The following ADAMTS14 variants were observed in gnomAD, a reference collection of about 807,000 sequenced individuals.
ADAMTS14 encodes ADAM metallopeptidase with thrombospondin type 1 motif 14.
Under a neutral mutation model 128.6 loss-of-function variants are expected in ADAMTS14, and 100 were observed. That is an observed-to-expected ratio of 0.78 (90% CI 0.66 to 0.92). ADAMTS14 has a LOEUF of 0.92. Among genes scored for constraint, ADAMTS14 ranks in the 40% least tolerant of loss-of-function variants. ADAMTS14 has a pLI of 0.00. For missense variants in ADAMTS14, 1,562 were observed against 1,658.6 expected (o/e 0.94, Z 1.01); for synonymous variants, 665 against 653.8 (o/e 1.02, Z -0.26).
At chr10:70,749,393 A>G (rs144362090) in intron 15 of ADAMTS14, among the ~76,000 whole-genome samples, 322 of 152,292 alleles carry the variant, frequency 2.1e-3, no homozygotes, top group African/African-American at 7.5e-3. Flanking sequence ...CTCACCATCA[A>G]TCCGACTCCA....
In ADAMTS14 at chr10:70,674,937, C is replaced by A; in HGVS notation, c.464C>A (p.Thr155Asn). The change falls in exon 2 of 22, where the codon ACT (threonine) becomes AAT (asparagine). Residue 155 changes from threonine (T) to asparagine (N), a missense_variant. Transcript: ENST00000373207. ...CCCTTACGGCAGGAGTGTGTGTACA[C>A]TGGAGGTGTCACTGGAATGCCTGGG... ...RQPLRQECVYTGGVTGMPGAA... is the reference protein window; with the variant it reads ...RQPLRQECVYNGGVTGMPGAA... 1 of 1,613,258 alleles carries A rather than the reference C, an allele frequency of 6.2e-7. No individual in the cohort carries two copies. Among genetic ancestry groups the A allele is most frequent in the Non-Finnish European group, 8.5e-7 (1 of 1,180,040 alleles).
At chr10:70,737,926 A>G (rs996319491) in intron 10 of ADAMTS14, among the ~76,000 whole-genome samples, 2 of 152,182 alleles carry the variant, frequency 1.3e-5, no homozygotes, top group African/African-American at 4.8e-5. Flanking sequence ...TGACGATTGG[A>G]CAACTTTGCG....
At chr10:70,734,764 G>A (rs1841771963) in intron 8 of ADAMTS14, among the ~76,000 whole-genome samples, 1 of 152,210 alleles carries the variant, frequency 6.6e-6, no homozygotes, top group South Asian at 2.1e-4. Context: ...AGGGCGGCTC[G>A]CCCAGGGTCC....
intron 11 of ADAMTS14, among the ~76,000 whole-genome samples, chr10:70,739,227 C>T (rs1841921536): frequency 6.6e-6 from 1 of 152,122 alleles, no homozygotes; most frequent in Non-Finnish European, 1.5e-5. Flanking sequence ...TTCTCAAGCT[C>T]ATGCGCAGAA....
intron 4 of ADAMTS14, among the ~76,000 whole-genome samples, chr10:70,721,701 C>G (rs1841273422): frequency 6.6e-6 from 1 of 151,908 alleles, no homozygotes; most frequent in Admixed American, 6.6e-5. Flanking sequence ...ATATGTTACT[C>G]TTGTACACAC....
Position 70,733,879 on chromosome 10 carries a change from TTCCAGGCTCGGCATGGAGCATGACGG to T in ADAMTS14, c.1209-3_1231del, listed in dbSNP as rs749379487. On this transcript the variant is annotated splice_acceptor_variant and splice_polypyrimidine_tract_variant and coding_sequence_variant and intron_variant, in exon 8 of 22. Coordinates refer to ENST00000373207, the MANE Select transcript of ADAMTS14 (RefSeq NM_080722.4). LOFTEE classifies it high-confidence loss of function. The stretch of plus-strand genomic sequence containing the variant: ...TATCAGGACTCCTCTGTCTTCCCCA[TTCCAGGCTCGGCATGGAGCATGACGG>T]TCAGGGGAATGGCTGTGCAGATGAG... 8 of 1,610,804 alleles carry T rather than the reference TTCCAGGCTCGGCATGGAGCATGACGG, an allele frequency of 5.0e-6. No individual in the cohort carries two copies. Among genetic ancestry groups the T allele is most frequent in the Non-Finnish European group, 6.8e-6 (8 of 1,177,672 alleles).
intron 4 of ADAMTS14, among the ~76,000 whole-genome samples, 155 bp from the exon 5 acceptor site, chr10:70,729,139 C>T (rs1039936548): frequency 3.3e-5 from 5 of 152,118 alleles, no homozygotes; most frequent in African/African-American, 1.2e-4. Flanking sequence ...TTTGCCCCCT[C>T]AGTCTCAGTT....
intron 2 of ADAMTS14, among the ~76,000 whole-genome samples, chr10:70,687,069 C>T (rs1455468811): frequency 6.9e-5 from 9 of 131,342 alleles, no homozygotes; most frequent in Non-Finnish European, 1.6e-4. Flanking sequence ...TGACCCCCCC[C>T]ACCTCCCTCC....
chr10:70,755,038 T>C (rs1372625764), intron 19 of ADAMTS14, among the ~76,000 whole-genome samples: 4 of 152,132 alleles, frequency 2.6e-5, no homozygotes, highest in African/African-American at 9.7e-5. Context: ...CCCAACACTT[T>C]GGGAGGCTGA....
At chr10:70,709,116 C>A (rs947273023) in intron 4 of ADAMTS14, among the ~76,000 whole-genome samples, 1 of 152,180 alleles carries the variant, frequency 6.6e-6, no homozygotes, top group Non-Finnish European at 1.5e-5. Context: ...CAGGGTCAGG[C>A]GTGGCCTGGA....
chr10:70,741,636 G>A (rs984812765), intron 12 of ADAMTS14, among the ~76,000 whole-genome samples: 7 of 152,200 alleles, frequency 4.6e-5, no homozygotes, highest in African/African-American at 1.7e-4. Context: ...ATTGGGTTGT[G>A]GTTTCAGCAG....
rs754394999 is a variant in ADAMTS14, at chr10:70,743,654, C to T, written c.2031C>T (p.Tyr677=). The T allele has an allele frequency of 1.2e-6, 2 of 1,608,072 alleles. No individual in the cohort carries two copies. Among genetic ancestry groups the T allele is most frequent in the Admixed American group, 3.4e-5 (2 of 58,736 alleles). Residue 677 remains tyrosine, a synonymous_variant, in exon 13 of 22, where the codon TAC becomes TAT. Coordinates refer to ENST00000373207, the MANE Select transcript of ADAMTS14 (RefSeq NM_080722.4). ...CACGCTGCAGCTACCGGGACCCATA[C>T]AGCGTCTGTGCGCGTGGCGAGTGTG... The part of the protein sequence containing the change: ...DGTRCSYRDP[Y]SVCARGECVP...
intron 3 of ADAMTS14, among the ~76,000 whole-genome samples, chr10:70,705,419 A>G (rs1479335504): frequency 6.6e-6 from 1 of 152,234 alleles, no homozygotes. Flanking sequence ...CAGGGCCGCC[A>G]GCCGGGCTGG....
In ADAMTS14 at chr10:70,753,832, G is replaced by T; in HGVS notation, c.2762G>T (p.Arg921Leu). Reference sequence around the variant, plus strand: ...ACGGAGGAGTGGGGTGCCTGCAGCCGGAGCTGTGGGAAGCTGGGGGTGCAG... The same window carrying T: ...ACGGAGGAGTGGGGTGCCTGCAGCCTGAGCTGTGGGAAGCTGGGGGTGCAG... ...WVTEEWGACS[R>L]SCGKLGVQTR... Residue 921 changes from arginine (R) to leucine (L), a missense_variant, in exon 19 of 22, where the codon CGG becomes CTG. Arg to Leu is a moderately radical substitution (Grantham distance 102). Coordinates refer to ENST00000373207, the MANE Select transcript of ADAMTS14 (RefSeq NM_080722.4). 6.3e-7 allele frequency: 1 copy of T among 1,590,326 alleles called. No homozygotes were observed. The highest frequency in any genetic ancestry group is 8.6e-7 in the Non-Finnish European group (1 of 1,169,308).
At chr10:70,730,320 A>C in intron 6 of ADAMTS14, 71 bp downstream of exon 6, 1 of 1,541,684 alleles carries the variant, frequency 6.5e-7, no homozygotes, top group Non-Finnish European at 8.8e-7. Flanking sequence ...CTGGGCCTGG[A>C]GGCAGATGGG....
intron 11 of ADAMTS14, among the ~76,000 whole-genome samples, chr10:70,740,077 T>TAAAAAAAA (rs1363455326): frequency 6.6e-6 from 1 of 152,250 alleles, no homozygotes; most frequent in Non-Finnish European, 1.5e-5. Flanking sequence ...TCCTGTGTAA[T>TAAAAAAAA]AACAACTATT....
rs1184416336 is a variant in ADAMTS14 at position 70,730,195 on chromosome 10, G to A, written c.1048G>A (p.Ala350Thr). 7 of 1,613,988 alleles carry A rather than the reference G, an allele frequency of 4.3e-6. No individual in the cohort carries two copies. The highest frequency in any genetic ancestry group is 4.5e-5 in the East Asian group (2 of 44,884). ...CCAGCAGCGCCAGGACCCCAGCCAC[G>A]CTGAGCACCATGACCACGTTGTGTT... is the stretch of plus-strand genomic sequence containing the variant. Reference protein sequence around the residue: ...HSQQRQDPSHAEHHDHVVFLT... With the variant: ...HSQQRQDPSHTEHHDHVVFLT... Residue 350 changes from alanine (A) to threonine (T), a missense_variant, in exon 6 of 22, where the codon GCT (alanine) becomes ACT (threonine). Coordinates refer to ENST00000373207, the MANE Select transcript of ADAMTS14 (RefSeq NM_080722.4).
intron 15 of ADAMTS14, among the ~76,000 whole-genome samples, 160 bp from the exon 16 acceptor site, chr10:70,749,662 C>T (rs537387990): frequency 2.1e-5 from 3 of 145,848 alleles, no homozygotes; most frequent in African/African-American, 7.5e-5. Context: ...TGACAGGGAG[C>T]GTGTTGACCT....
intron 4 of ADAMTS14, among the ~76,000 whole-genome samples, chr10:70,723,821 G>C (rs1331784863): frequency 1.3e-5 from 2 of 152,206 alleles, no homozygotes; most frequent in Non-Finnish European, 2.9e-5. Flanking sequence ...CTGGGCCAGA[G>C]AAAGCCCACC....
Sources: allele counts gnomAD v4.1 joint callset (sites outside exome capture counted in the v4.1 genomes callset), GRCh38; gene constraint gnomAD v4.1.1; transcripts MANE v1.5; gene names NCBI Gene and HGNC (gene_info 2026-07-23, HGNC 2026-07-21).